The following TOP1MT variants were observed in gnomAD, a reference collection of about 807,000 sequenced individuals.
TOP1MT encodes DNA topoisomerase I, mitochondrial.
Under a neutral mutation model 73.9 loss-of-function variants are expected in TOP1MT, and 80 were observed. The ratio of observed to expected loss-of-function variants is 1.08; its 90% CI spans 0.90 to 1.30. The LOEUF (loss-of-function observed/expected upper bound fraction) is 1.30, where lower values mean the gene tolerates loss of function less well. Ranked by LOEUF, TOP1MT falls within the 50% of genes most tolerant of loss-of-function variation. The probability of loss-of-function intolerance (pLI) is 0.00; values close to 1 mark genes in which losing one functional copy is unlikely to be tolerated. For synonymous variants in TOP1MT, 338 were observed against 326.4 expected (o/e 1.04, Z -0.38); for missense variants, 815 against 808.0 (o/e 1.01, Z -0.10).
chr8:143,327,862 C>A, intron 3 of TOP1MT: 3 of 354,710 alleles, frequency 8.5e-6, no homozygotes, highest in South Asian at 4.2e-5. Flanking sequence ...ATGCAACACA[C>A]GAGCCTCGGC....
upstream of TOP1MT, among the ~76,000 whole-genome samples, chr8:143,335,753 G>C (rs373154050): frequency 7.2e-5 from 11 of 152,372 alleles, no homozygotes; most frequent in South Asian, 1.5e-3. Context: ...GTGACCGTTG[G>C]GGGGAATGCA....
intron 2 of TOP1MT, among the ~76,000 whole-genome samples, chr8:143,342,227 C>CTAT (rs374232306): frequency 1.7e-4 from 10 of 59,626 alleles, no homozygotes; most frequent in Admixed American, 3.2e-4. Flanking sequence ...GAGTCTCGCT[C>CTAT]TATTATTATT....
Position 143,324,069 on chromosome 8 carries a change from T to G in TOP1MT, c.890A>C (p.Tyr297Ser), listed in dbSNP as rs969037830. The change falls in exon 7 of 14, where the codon TAC becomes TCC. Residue 297 changes from tyrosine (Y) to serine (S), a missense_variant. By Grantham distance (144) the Tyr-to-Ser change is moderately radical. Around this residue, in one of 3 missense-constraint regions of TOP1MT, gnomAD observed 751 missense variants for 725.4 expected, o/e 1.04. Coordinates refer to ENST00000329245, the MANE Select transcript of TOP1MT (RefSeq NM_052963.3). The stretch of plus-strand genomic sequence containing the variant: ...TTCCCGAGACTTCCAGTCAGCCCGG[T>G]ACTGGGAGCGGATCTCGTCCACAAA... ...RGFVDEIRSQ[Y>S]RADWKSREMK... 6.2e-7 allele frequency: 1 copy of G among 1,613,864 alleles called. No homozygotes were observed. The highest frequency in any genetic ancestry group is 1.3e-5 in the African/African-American group (1 of 75,040).
chr8:143,316,088 G>A lies in TOP1MT; in HGVS notation c.1369C>T (p.Arg457Ter), dbSNP rs200573878. Residue 457 changes from arginine to a stop codon, truncating the protein, a stop_gained, in exon 11 of 14, where the codon CGA becomes TGA. Coordinates refer to ENST00000329245, the MANE Select transcript of TOP1MT (RefSeq NM_052963.3). LOFTEE classifies it high-confidence loss of function. ...SIAAKILSYN[R>*]ANRVVAILCN... ...AGAATGGCCACGACTCGGTTGGCTC[G>A]GTTGTAGGATAAGATCTTAGCTGCT... The A allele has an allele frequency of 2.3e-5, 37 of 1,614,162 alleles. No homozygotes were observed. In the African/African-American group the frequency reaches 3.3e-4, roughly 15 times the overall value.
chr8:143,325,551 T>C lies in TOP1MT; in HGVS notation c.484-18A>G. The C allele has an allele frequency of 6.3e-7, 1 of 1,599,240 alleles. No individual in the cohort carries two copies. Among genetic ancestry groups the C allele is most frequent in the Non-Finnish European group, 8.6e-7 (1 of 1,167,984 alleles). On this transcript the variant is annotated intron_variant, in intron 4 of 13. Coordinates refer to ENST00000329245, the MANE Select transcript of TOP1MT (RefSeq NM_052963.3). ...TTTAGCTTCTGAGTTAATAAAACAGTCAGTGGACATTAGCAGTGAAGAGAA... is the reference window on the plus strand; with the variant it reads ...TTTAGCTTCTGAGTTAATAAAACAGCCAGTGGACATTAGCAGTGAAGAGAA...
At chr8:143,337,545 A>C (rs573513111), upstream of TOP1MT, among the ~76,000 whole-genome samples, 47 of 152,350 alleles carry the variant, frequency 3.1e-4, no homozygotes, top group South Asian at 7.7e-3. Context: ...AGAATAGCCA[A>C]AACAATGTTT....
Position 143,318,698 on chromosome 8 carries a change from C to T in TOP1MT, c.1147-612G>A, listed in dbSNP as rs1183259126. Reference sequence around the variant, plus strand: ...GGCCTCTGTGTTGCTCTCTCCAGCACCAGCATGGCAGCCCTCCCTCACCAG... The same window carrying T: ...GGCCTCTGTGTTGCTCTCTCCAGCATCAGCATGGCAGCCCTCCCTCACCAG... On this transcript the variant is annotated intron_variant, in intron 8 of 13. Transcript: ENST00000329245. Among the ~76,000 whole-genome samples, 5 of 152,292 alleles carry T rather than the reference C, an allele frequency of 3.3e-5. No individual in the cohort carries two copies. The East Asian group carries it at 9.7e-4, about 29-fold the overall frequency.
intron 11 of TOP1MT, 21 bp downstream of exon 11, chr8:143,315,978 G>T: frequency 6.2e-7 from 1 of 1,614,088 alleles, no homozygotes; most frequent in Non-Finnish European, 8.5e-7. Flanking sequence ...CTGGGCTGGG[G>T]GCTCTCCTGG....
upstream of TOP1MT, among the ~76,000 whole-genome samples, chr8:143,357,872 G>A (rs1817437867): frequency 6.6e-6 from 1 of 150,952 alleles, no homozygotes; most frequent in East Asian, 1.9e-4. Flanking sequence ...AGTGAGCCAA[G>A]ATTGCACCAT....
intron 5 of TOP1MT, among the ~76,000 whole-genome samples, chr8:143,324,855 G>A (rs976515586): frequency 6.6e-6 from 1 of 152,088 alleles, no homozygotes; most frequent in Non-Finnish European, 1.5e-5. Flanking sequence ...GAGGCTGGGC[G>A]GCCACCCAAG....
upstream of TOP1MT, among the ~76,000 whole-genome samples, chr8:143,356,902 G>T (rs1280543763): frequency 2.0e-5 from 3 of 151,182 alleles, no homozygotes; most frequent in Non-Finnish European, 4.4e-5. Flanking sequence ...GACCATCCTG[G>T]CTAACACAGT....
chr8:143,309,989 G>A (rs1332501695), intron 13 of TOP1MT, 79 bp downstream of exon 13: 1 of 1,597,252 alleles, frequency 6.3e-7, no homozygotes, highest in African/African-American at 1.3e-5. Flanking sequence ...GGGCAATGCT[G>A]GGACTGAACA....
intron 1 of TOP1MT, 118 bp from the exon 2 acceptor site, chr8:143,331,457 C>CG: frequency 1.3e-6 from 1 of 764,366 alleles, no homozygotes; most frequent in Non-Finnish European, 2.1e-6. Context: ...TGGCCTCCAC[C>CG]TCACGGGGGA....
At chr8:143,342,676 CTATTATTAT>C (rs750383074) in intron 2 of TOP1MT, among the ~76,000 whole-genome samples, 1 of 26,984 alleles carries the variant, frequency 3.7e-5, no homozygotes, top group East Asian at 9.3e-4. Flanking sequence ...CAGTCTCGCT[CTATTATTAT>C]TATTATTATT....
chr8:143,323,778 G>A (rs1162816765), intron 7 of TOP1MT, among the ~76,000 whole-genome samples: 1 of 146,136 alleles, frequency 6.8e-6, no homozygotes, highest in Non-Finnish European at 1.5e-5. Context: ...GCCACACACA[G>A]GCACACCACA....
chr8:143,355,406 C>T (rs913219986), intron 1 of TOP1MT: 3 of 152,306 alleles, frequency 2.0e-5, no homozygotes, highest in African/African-American at 2.4e-5. Context: ...AAAAGCTAAC[C>T]GTTTTTCCAT....
At chr8:143,359,290 C>A (rs1682261452), upstream of TOP1MT, 5 of 985,058 alleles carry the variant, frequency 5.1e-6, no homozygotes, top group South Asian at 1.9e-4. Flanking sequence ...TGGCTGCCAG[C>A]AAAGCGATCC....
intron 9 of TOP1MT, 78 bp from the exon 10 acceptor site, chr8:143,317,915 T>A (rs1816220200): frequency 6.3e-7 from 1 of 1,594,700 alleles, no homozygotes; most frequent in South Asian, 1.1e-5. Context: ...AAAGGACATG[T>A]CAGCCGTTGG....
intron 2 of TOP1MT, 137 bp from the exon 3 acceptor site, chr8:143,329,608 T>TA: frequency 9.6e-7 from 1 of 1,041,340 alleles, no homozygotes; most frequent in Non-Finnish European, 1.4e-6. Flanking sequence ...TTCTGTAAGT[T>TA]CAGAAGCATG....
Sources: gnomAD v4.1 joint callset for allele counts (sites outside exome capture counted in the v4.1 genomes callset) on GRCh38, gnomAD v4.1.1 for gene constraint, gnomAD v4.1.1 regional missense constraint, MANE v1.5 for transcripts, NCBI Gene and HGNC (gene_info 2026-07-23, HGNC 2026-07-21) for gene names.